Variants in FARS2 observed in about 807,000 individuals in gnomAD.
FARS2 encodes the protein phenylalanyl-tRNA synthetase 2, mitochondrial, also known as phenylalanine--tRNA ligase, mitochondrial.
A neutral mutation model predicts 46.4 loss-of-function variants in FARS2; 40 were observed. The observed-to-expected ratio is 0.86, with a 90% CI of 0.67 to 1.12. FARS2 has a LOEUF of 1.12. FARS2 is among the 50% of genes most tolerant of loss of function. The probability of loss-of-function intolerance (pLI) is 0.00; values close to 1 mark genes in which losing one functional copy is unlikely to be tolerated. For missense variants in FARS2, 513 were observed against 567.9 expected, an observed-to-expected ratio of 0.90 and a Z score of 0.98; for synonymous variants, 234 against 214.9, an observed-to-expected ratio of 1.09 and a Z score of -0.78.
At chr6:5,429,032 T>C (rs1316409669) in intron 3 of FARS2, among the ~76,000 whole-genome samples, 1 of 152,182 alleles carries the variant, frequency 6.6e-6, no homozygotes, top group Non-Finnish European at 1.5e-5. Flanking sequence ...TGCAAACTCA[T>C]CTATAGTGGC....
chr6:5,432,882 T>C (rs531327560), intron 4 of FARS2, among the ~76,000 whole-genome samples: 1 of 152,126 alleles, frequency 6.6e-6, no homozygotes, highest in Non-Finnish European at 1.5e-5. Flanking sequence ...TGCAGGAGCT[T>C]GTGTTACCTC....
At chr6:5,339,205 C>T (rs1156984706) in intron 1 of FARS2, among the ~76,000 whole-genome samples, 1 of 152,150 alleles carries the variant, frequency 6.6e-6, no homozygotes, top group Non-Finnish European at 1.5e-5. Flanking sequence ...AAATATTGTA[C>T]CCTAGTGCCA....
At chr6:5,365,317 CTTTTTTTTTTT>C (rs61097603) in intron 1 of FARS2, among the ~76,000 whole-genome samples, 12 of 42,496 alleles carry the variant, frequency 2.8e-4, no homozygotes, top group African/African-American at 3.0e-4. Context: ...AGTATACTTT[CTTTTTTTTTTT>C]TTTTTTTTTT....
At chr6:5,694,294 G>A (rs2150870806) in intron 6 of FARS2, among the ~76,000 whole-genome samples, 1 of 152,358 alleles carries the variant, frequency 6.6e-6, no homozygotes, top group East Asian at 1.9e-4. Flanking sequence ...GCCAACAGGA[G>A]TGTTTTCTAG....
At chr6:5,348,437 T>A (rs1358888785) in intron 1 of FARS2, among the ~76,000 whole-genome samples, 1 of 123,636 alleles carries the variant, frequency 8.1e-6, no homozygotes, top group African/African-American at 3.2e-5. Flanking sequence ...ATTTCCCAAA[T>A]GTATATACAC....
intron 3 of FARS2, among the ~76,000 whole-genome samples, chr6:5,428,774 C>T (rs2432758): frequency 0.046 from 6,979 of 152,152 alleles, 535 homozygotes; most frequent in African/African-American, 0.16. Context: ...AGTGGCTCTG[C>T]GTGTCTGAGC....
chr6:5,588,860 C>T (rs1260478726), intron 5 of FARS2, among the ~76,000 whole-genome samples: 1 of 152,324 alleles, frequency 6.6e-6, no homozygotes, highest in South Asian at 2.1e-4. Flanking sequence ...CCTAAGGCCA[C>T]GCCTGCCTGT....
chr6:5,397,953 C>T (rs543287786), intron 2 of FARS2, among the ~76,000 whole-genome samples: 7 of 152,104 alleles, frequency 4.6e-5, no homozygotes, highest in Non-Finnish European at 1.0e-4. Context: ...TGTATTTTCT[C>T]ATGGTGAAAT....
chr6:5,434,226 C>T (rs573901317), intron 4 of FARS2, among the ~76,000 whole-genome samples: 1 of 152,278 alleles, frequency 6.6e-6, no homozygotes, highest in South Asian at 2.1e-4. Context: ...ATTCTTGTGC[C>T]TCAGCCTCCT....
At chr6:5,331,607 G>A (rs1178472778) in intron 1 of FARS2, among the ~76,000 whole-genome samples, 1 of 152,224 alleles carries the variant, frequency 6.6e-6, no homozygotes, top group African/African-American at 2.4e-5. Context: ...GTAAGGGAGA[G>A]CTGGGGATTA....
chr6:5,622,581 G>T (rs1775830168), intron 6 of FARS2, among the ~76,000 whole-genome samples: 1 of 152,162 alleles, frequency 6.6e-6, no homozygotes, highest in South Asian at 2.1e-4. Context: ...TCAGAGAGCT[G>T]CCTGCTCCTT....
At position 5,488,135 on chromosome 6, in the gene FARS2, G is replaced by A. The variant is rs200082073; in HGVS notation, c.904+56963G>A. ...GCCCTGGAGTTCATCTTTTGCTTTC[G>A]TGTTAAGCCTAGACCCTTTTTTACC... On this transcript the variant is annotated intron_variant, in intron 4 of 6. Coordinates refer to ENST00000274680, the MANE Select transcript of FARS2 (RefSeq NM_006567.5). Among the ~76,000 whole-genome samples, 39 of 152,198 alleles carry A rather than the reference G, an allele frequency of 2.6e-4. No individual in the cohort carries two copies. In the East Asian group the frequency reaches 4.8e-3, roughly 19 times the overall value.
chr6:5,606,505 T>G (rs1774846505), intron 5 of FARS2, among the ~76,000 whole-genome samples: 2 of 151,924 alleles, frequency 1.3e-5, no homozygotes, highest in Admixed American at 1.3e-4. Context: ...CAAAAAAAAC[T>G]GTTGAATGAT....
chr6:5,384,385 G>A (rs1055369986), intron 2 of FARS2, among the ~76,000 whole-genome samples: 2 of 152,192 alleles, frequency 1.3e-5, no homozygotes, highest in Admixed American at 1.3e-4. Flanking sequence ...TTTTGGGGAG[G>A]CCGAGTTCAG....
chr6:5,737,187 A>G (rs534974136), intron 6 of FARS2, among the ~76,000 whole-genome samples: 6 of 152,198 alleles, frequency 3.9e-5, no homozygotes, highest in Non-Finnish European at 7.3e-5. Context: ...AGAGCCACTC[A>G]AAAGGGATCC....
chr6:5,666,326 C>T (rs1488913194), intron 6 of FARS2, among the ~76,000 whole-genome samples: 1 of 152,148 alleles, frequency 6.6e-6, no homozygotes, highest in Non-Finnish European at 1.5e-5. Flanking sequence ...GCTCAGTAAA[C>T]ACTTGCTGGT....
At chr6:5,708,705 G>A (rs1582808218) in intron 6 of FARS2, among the ~76,000 whole-genome samples, 2 of 151,982 alleles carry the variant, frequency 1.3e-5, no homozygotes, top group East Asian at 3.9e-4. Context: ...CTTTTGCCCA[G>A]GCTGGAGTAC....
chr6:5,703,524 A>G (rs1422711275), intron 6 of FARS2, among the ~76,000 whole-genome samples: 1 of 152,142 alleles, frequency 6.6e-6, no homozygotes, highest in Non-Finnish European at 1.5e-5. Context: ...TATACATTTT[A>G]TCCCACAACT....
intron 4 of FARS2, among the ~76,000 whole-genome samples, chr6:5,469,183 C>G (rs1007488286): frequency 2.6e-5 from 4 of 152,218 alleles, no homozygotes; most frequent in African/African-American, 7.2e-5. Context: ...GGCAGGCCCA[C>G]AGTCAGCCTC....
Sources: gnomAD v4.1 joint callset for allele counts (sites outside exome capture counted in the v4.1 genomes callset) on GRCh38, gnomAD v4.1.1 for gene constraint, MANE v1.5 for transcripts, NCBI Gene and HGNC (gene_info 2026-07-23, HGNC 2026-07-21) for gene names.